The following SMC3 variants were observed in gnomAD, a reference collection of about 807,000 sequenced individuals.
The protein encoded by SMC3 is structural maintenance of chromosomes protein 3.
A neutral mutation model predicts 171.8 loss-of-function variants in SMC3; 20 were observed. The observed-to-expected ratio is 0.12, with a 90% CI of 0.08 to 0.17. The LOEUF (loss-of-function observed/expected upper bound fraction) is 0.17, where lower values mean the gene tolerates loss of function less well. SMC3 is among the 10% of genes least tolerant of loss of function. The probability of loss-of-function intolerance (pLI) is 1.00; values close to 1 mark genes in which losing one functional copy is unlikely to be tolerated. For synonymous variants in SMC3, 464 were observed against 451.1 expected (o/e 1.03, Z -0.36); for missense variants, 543 against 1,420.4 (o/e 0.38, Z 9.93).
Position 110,589,646 on chromosome 10 carries a change from A to G in SMC3, c.1347A>G (p.Glu449=). ...TTAATGAAGTCAAAGCTCGAGTAGA[A>G]GAACTGGACAGAAAATATTACGAAG... ...QDLNEVKARV[E]ELDRKYYEVK... Residue 449 remains glutamate (E), a synonymous_variant, in exon 14 of 29, where the codon GAA becomes GAG. Coordinates refer to ENST00000361804, the MANE Select transcript of SMC3 (RefSeq NM_005445.4). 1 of 1,611,464 alleles carries G rather than the reference A, an allele frequency of 6.2e-7. No individual in the cohort carries two copies.
At chr10:110,602,762 C>G in intron 26 of SMC3, 63 bp from the exon 27 acceptor site, 6 of 1,578,728 alleles carry the variant, frequency 3.8e-6, no homozygotes, top group Non-Finnish European at 5.2e-6. Flanking sequence ...ATGCAAGTTA[C>G]TTTTGAAAGA....
Position 110,604,315 on chromosome 10 carries a change from A to G in SMC3, c.*13A>G. 3 of 1,582,300 alleles carry G rather than the reference A, an allele frequency of 1.9e-6. No homozygotes were observed. Among genetic ancestry groups the G allele is most frequent in the Non-Finnish European group, 2.6e-6 (3 of 1,153,212 alleles). On this transcript the variant is annotated 3_prime_UTR_variant, in exon 29 of 29. Coordinates refer to ENST00000361804, the MANE Select transcript of SMC3 (RefSeq NM_005445.4). ...CACACATGGTTAATTGGAAAATACT[A>G]CCTACTGGTTTGGGAGATGTATATA...
At position 110,600,453 on chromosome 10, in the gene SMC3, G is replaced by A; in HGVS notation, c.2442G>A (p.Leu814=). ...IRQLQQENRQ[L]LNERIKLEGI... Reference sequence around the variant, plus strand: ...CTTAATTCTAGGAAAACAGACAGTTGCTAAATGAAAGAATTAAATTAGAAG... The same window carrying A: ...CTTAATTCTAGGAAAACAGACAGTTACTAAATGAAAGAATTAAATTAGAAG... Residue 814 remains leucine (L), a synonymous_variant, in exon 22 of 29, where the codon TTG becomes TTA. Transcript: ENST00000361804. 1 of 1,545,920 alleles carries A rather than the reference G, an allele frequency of 6.5e-7. No individual in the cohort carries two copies. The highest frequency in any genetic ancestry group is 8.9e-7 in the Non-Finnish European group (1 of 1,118,162).
intron 4 of SMC3, among the ~76,000 whole-genome samples, chr10:110,576,112 T>TTAGCC (rs1860944663): frequency 6.6e-6 from 1 of 152,212 alleles, no homozygotes; most frequent in African/African-American, 2.4e-5. Context: ...AAAATGGACA[T>TTAGCC]TAGCCTACAG....
intron 15 of SMC3, 151 bp from the exon 16 acceptor site, chr10:110,590,261 C>T: frequency 2.8e-6 from 2 of 724,592 alleles, no homozygotes; most frequent in Non-Finnish European, 4.8e-6. Flanking sequence ...ATGTAGTTGG[C>T]ATATTGTGAG....
At chr10:110,573,591 G>A in intron 2 of SMC3, 116 bp from the exon 3 acceptor site, 1 of 684,820 alleles carries the variant, frequency 1.5e-6, no homozygotes. Context: ...AATTTCAGAT[G>A]TTAAGATGTA....
chr10:110,575,542 C>A, intron 4 of SMC3, 139 bp downstream of exon 4: 1 of 726,596 alleles, frequency 1.4e-6, no homozygotes, highest in South Asian at 1.7e-5. Context: ...GTGTGTTACT[C>A]TGCTGTGAAA....
At chr10:110,568,070 G>C (rs939629833) in intron 1 of SMC3, among the ~76,000 whole-genome samples, 1 of 152,220 alleles carries the variant, frequency 6.6e-6, no homozygotes, top group Non-Finnish European at 1.5e-5. Flanking sequence ...GTCTGGGAGA[G>C]GCAGGATCTC....
intron 2 of SMC3, among the ~76,000 whole-genome samples, chr10:110,570,386 G>A (rs890627644): frequency 6.6e-6 from 1 of 151,362 alleles, no homozygotes; most frequent in Admixed American, 6.6e-5. Flanking sequence ...TTTTGCCCTC[G>A]ATTTATCAAT....
At chr10:110,602,442 A>G (rs886320048) in intron 25 of SMC3, 32 bp from the exon 26 acceptor site, 2 of 1,568,726 alleles carry the variant, frequency 1.3e-6, no homozygotes, top group Non-Finnish European at 1.7e-6. Flanking sequence ...ATTCTAAGCA[A>G]AATTTATATT....
chr10:110,602,801 A>C (rs1277473696), intron 26 of SMC3, 24 bp from the exon 27 acceptor site: 1 of 1,608,830 alleles, frequency 6.2e-7, no homozygotes, highest in African/African-American at 1.3e-5. Context: ...TTAGGATATT[A>C]ACTCATAATA....
intron 17 of SMC3, among the ~76,000 whole-genome samples, 156 bp from the exon 18 acceptor site, chr10:110,592,917 G>C (rs1239950921): frequency 1.3e-5 from 2 of 152,162 alleles, no homozygotes; most frequent in Non-Finnish European, 1.5e-5. Flanking sequence ...TATTCTAGTG[G>C]AATGAGTCTT....
At position 110,590,686 on chromosome 10, in the gene SMC3, CCTTAA is replaced by C. The variant is rs1200405237; in HGVS notation, c.1670+118_1670+122del. 7 of 879,700 alleles carry C rather than the reference CCTTAA, an allele frequency of 8.0e-6. No homozygotes were observed. The East Asian group carries it at 1.0e-4, about 13-fold the overall frequency. The allele number at this position is 879,700 out of a possible 1,614,324, so 54.5% of individuals were successfully genotyped here. ...TCCATTATCTTTTTATATCTCGGTTCCTTAACTTTCTAATTAAAGAAGTAGATGCT... is the reference window on the plus strand; with the variant it reads ...TCCATTATCTTTTTATATCTCGGTTCCTTTCTAATTAAAGAAGTAGATGCT... On this transcript the variant is annotated intron_variant, in intron 16 of 28. Coordinates refer to ENST00000361804, the MANE Select transcript of SMC3 (RefSeq NM_005445.4).
chr10:110,567,796 C>T lies in SMC3; in HGVS notation c.-21C>T, dbSNP rs757624777. On this transcript the variant is annotated 5_prime_UTR_variant, in exon 1 of 29. Coordinates refer to ENST00000361804, the MANE Select transcript of SMC3 (RefSeq NM_005445.4). Reference sequence around the variant, plus strand: ...TTGCTGCTCCGGGGCAGGTCTCCTTCCAGGCCAGGGGCCCGGAATCATGTA... The same window carrying T: ...TTGCTGCTCCGGGGCAGGTCTCCTTTCAGGCCAGGGGCCCGGAATCATGTA... 3 of 1,613,368 alleles carry T rather than the reference C, an allele frequency of 1.9e-6. No individual in the cohort carries two copies. Among genetic ancestry groups the T allele is most frequent in the East Asian group, 2.2e-5 (1 of 44,880 alleles).
chr10:110,599,565 A>T, intron 20 of SMC3, 89 bp from the exon 21 acceptor site: 1 of 1,150,072 alleles, frequency 8.7e-7, no homozygotes, highest in Admixed American at 2.2e-5. Context: ...CTATATATTT[A>T]GCTCAATCAA....
At chr10:110,601,529 ACAAAACC>A in intron 23 of SMC3, 101 bp from the exon 24 acceptor site, 1 of 1,245,686 alleles carries the variant, frequency 8.0e-7, no homozygotes, top group Non-Finnish European at 1.1e-6. Flanking sequence ...AATTTTAAAC[ACAAAACC>A]TAAAACCTAT....
At chr10:110,587,560 C>T (rs1221656875) in intron 13 of SMC3, among the ~76,000 whole-genome samples, 1 of 152,056 alleles carries the variant, frequency 6.6e-6, no homozygotes, top group Non-Finnish European at 1.5e-5. Flanking sequence ...GTGGCGGGCG[C>T]CTGTAGTGCC....
At chr10:110,585,550 A>C (rs1157841316) in intron 13 of SMC3, among the ~76,000 whole-genome samples, 1 of 151,234 alleles carries the variant, frequency 6.6e-6, no homozygotes, top group Admixed American at 6.6e-5. Flanking sequence ...CAGCCTTCCT[A>C]AGTGCTGGGA....
intron 18 of SMC3, among the ~76,000 whole-genome samples, chr10:110,595,756 T>A (rs887586680): frequency 3.6e-5 from 5 of 139,040 alleles, no homozygotes; most frequent in East Asian, 4.2e-4. Flanking sequence ...TTTTTTTTTT[T>A]AATTCAATAT....
Sources: gnomAD v4.1 joint callset for allele counts (sites outside exome capture counted in the v4.1 genomes callset) on GRCh38, gnomAD v4.1.1 for gene constraint, MANE v1.5 for transcripts, NCBI Gene and HGNC (gene_info 2026-07-23, HGNC 2026-07-21) for gene names.